LDLRAD4: variants seen among roughly 807,000 people sequenced by gnomAD.
The protein encoded by LDLRAD4 is low density lipoprotein receptor class A domain containing 4.
Under a neutral mutation model 17.0 loss-of-function variants are expected in LDLRAD4, and 5 were observed. The ratio of observed to expected loss-of-function variants is 0.29; its 90% CI spans 0.15 to 0.62. LDLRAD4 has a LOEUF of 0.62. LDLRAD4 is among the 20% of genes least tolerant of loss of function. The pLI, the probability that LDLRAD4 is intolerant of heterozygous loss-of-function variation, is 0.84. For missense variants in LDLRAD4, 340 were observed against 424.7 expected, an observed-to-expected ratio of 0.80 and a Z score of 1.75; for synonymous variants, 168 against 171.8, an observed-to-expected ratio of 0.98 and a Z score of 0.17.
intron 3 of LDLRAD4, among the ~76,000 whole-genome samples, chr18:13,459,403 A>T (rs2146529690): frequency 1.3e-5 from 2 of 149,322 alleles, no homozygotes; most frequent in East Asian, 3.9e-4. Flanking sequence ...TGTTTTCCTG[A>T]GATGGAGTCT....
chr18:13,418,146 C>T (rs925726793), intron 2 of LDLRAD4, among the ~76,000 whole-genome samples: 1 of 151,926 alleles, frequency 6.6e-6, no homozygotes, highest in African/African-American at 2.4e-5. Flanking sequence ...CAGGCTGGCT[C>T]CTTTCTCCCT....
At chr18:13,247,267 C>A (rs1299448086) in intron 1 of LDLRAD4, among the ~76,000 whole-genome samples, 1 of 152,160 alleles carries the variant, frequency 6.6e-6, no homozygotes, top group African/African-American at 2.4e-5. Context: ...AGAAGACTTA[C>A]GAAGATTGTG....
chr18:13,411,507 A>G (rs771595356), intron 2 of LDLRAD4, among the ~76,000 whole-genome samples: 2 of 152,152 alleles, frequency 1.3e-5, no homozygotes, highest in African/African-American at 2.4e-5. Flanking sequence ...AGAGGGACCC[A>G]GTTGGAGGTA....
At chr18:13,225,942 T>C (rs1200992405) in intron 1 of LDLRAD4, among the ~76,000 whole-genome samples, 1 of 152,208 alleles carries the variant, frequency 6.6e-6, no homozygotes, top group African/African-American at 2.4e-5. Context: ...ACATTGAGGC[T>C]GTTACCGGTT....
At chr18:13,344,060 T>G (rs1453422170) in intron 1 of LDLRAD4, among the ~76,000 whole-genome samples, 1 of 152,222 alleles carries the variant, frequency 6.6e-6, no homozygotes, top group Non-Finnish European at 1.5e-5. Flanking sequence ...GTGGTTTCTT[T>G]TGCTGTGCAG....
intron 3 of LDLRAD4, among the ~76,000 whole-genome samples, chr18:13,478,541 G>C (rs376764698): frequency 2.0e-5 from 3 of 152,158 alleles, no homozygotes; most frequent in African/African-American, 7.2e-5. Flanking sequence ...ATTTATAATA[G>C]CATGCAAGAA....
chr18:13,602,876 A>G (rs1163831711), intron 3 of LDLRAD4, among the ~76,000 whole-genome samples: 1 of 152,228 alleles, frequency 6.6e-6, no homozygotes, highest in Non-Finnish European at 1.5e-5. Context: ...CTCCAGGCAC[A>G]TCATGGCTTT....
chr18:13,348,466 G>A (rs2082834418), intron 1 of LDLRAD4, among the ~76,000 whole-genome samples: 1 of 152,174 alleles, frequency 6.6e-6, no homozygotes. Flanking sequence ...GCTGTGTGAG[G>A]TGTCAGTCTG....
At chr18:13,388,708 C>T (rs1599856402) in intron 2 of LDLRAD4, among the ~76,000 whole-genome samples, 4 of 152,360 alleles carry the variant, frequency 2.6e-5, no homozygotes, top group South Asian at 4.1e-4. Flanking sequence ...ATGTCAGCTC[C>T]TAGACAGCCT....
At chr18:13,305,123 G>A (rs1309600987) in intron 1 of LDLRAD4, among the ~76,000 whole-genome samples, 3 of 151,836 alleles carry the variant, frequency 2.0e-5, no homozygotes, top group Non-Finnish European at 4.4e-5. Context: ...ACAAAGTTAG[G>A]CATGTCATGA....
intron 3 of LDLRAD4, among the ~76,000 whole-genome samples, chr18:13,452,632 C>T (rs777961568): frequency 3.9e-5 from 6 of 152,068 alleles, no homozygotes; most frequent in South Asian, 4.1e-4. Context: ...GGAAAAATAC[C>T]GACATAGGAG....
intron 1 of LDLRAD4, among the ~76,000 whole-genome samples, chr18:13,334,142 T>C (rs961174732): frequency 3.9e-5 from 6 of 152,256 alleles, no homozygotes; most frequent in African/African-American, 1.4e-4. Context: ...TATGTTTAAG[T>C]ATTTTCTTTT....
intron 1 of LDLRAD4, among the ~76,000 whole-genome samples, chr18:13,291,498 G>A (rs939545686): frequency 3.9e-5 from 6 of 152,288 alleles, no homozygotes; most frequent in Admixed American, 2.0e-4. Flanking sequence ...GTTGCAGAAC[G>A]TGTAGCTTGA....
intron 3 of LDLRAD4, among the ~76,000 whole-genome samples, chr18:13,536,443 T>C (rs146873040): frequency 5.1e-4 from 78 of 152,324 alleles, no homozygotes; most frequent in Admixed American, 1.8e-3. Flanking sequence ...AGAAATACAG[T>C]TGATTTGTGT....
At chr18:13,569,255 G>A (rs1322432274) in intron 3 of LDLRAD4, among the ~76,000 whole-genome samples, 1 of 150,890 alleles carries the variant, frequency 6.6e-6, no homozygotes, top group Non-Finnish European at 1.5e-5. Flanking sequence ...GGGCCTCCCA[G>A]GGCCGCCCCA....
intron 1 of LDLRAD4, among the ~76,000 whole-genome samples, chr18:13,379,392 T>C (rs1306235207): frequency 6.6e-6 from 1 of 152,216 alleles, no homozygotes; most frequent in African/African-American, 2.4e-5. Flanking sequence ...GAGGCTCAGC[T>C]AGAATTCTGT....
intron 3 of LDLRAD4, among the ~76,000 whole-genome samples, chr18:13,560,334 G>C (rs898545448): frequency 1.3e-5 from 2 of 152,336 alleles, no homozygotes; most frequent in East Asian, 1.9e-4. Flanking sequence ...TCTGACTTCT[G>C]AGCAGGTGTT....
At chr18:13,267,628 C>A (rs1310688571) in intron 1 of LDLRAD4, among the ~76,000 whole-genome samples, 2 of 152,266 alleles carry the variant, frequency 1.3e-5, no homozygotes, top group Non-Finnish European at 2.9e-5. Flanking sequence ...GCAAGCCTCA[C>A]TTCAGACGTC....
chr18:13,465,123 G>C (rs188469427), intron 3 of LDLRAD4: 5 of 152,214 alleles, frequency 3.3e-5, no homozygotes, highest in Non-Finnish European at 7.3e-5. Flanking sequence ...TAAGTATCTT[G>C]TGATTTCGGA....
Sources: allele counts gnomAD v4.1 joint callset (sites outside exome capture counted in the v4.1 genomes callset), GRCh38; gene constraint gnomAD v4.1.1; transcripts MANE v1.5; gene names NCBI Gene and HGNC (gene_info 2026-07-23, HGNC 2026-07-21).